Variants in RAB11FIP4 observed in about 807,000 individuals in gnomAD.
RAB11FIP4 encodes the protein rab11 family-interacting protein 4.
In RAB11FIP4, 23 loss-of-function variants were observed where a neutral mutation model predicts 74.3. The observed-to-expected ratio is 0.31, with a 90% CI of 0.22 to 0.44. The LOEUF is 0.44. RAB11FIP4 is among the 20% of genes least tolerant of loss of function. The pLI, the probability that RAB11FIP4 is intolerant of heterozygous loss-of-function variation, is 1.00. For synonymous variants in RAB11FIP4, 360 were observed against 359.9 expected (o/e 1.00, Z 0.00); for missense variants, 630 against 863.9 (o/e 0.73, Z 3.39).
Position 31,493,677 on chromosome 17 carries a change from A to G in RAB11FIP4, c.337-23974A>G, listed in dbSNP as rs370078562. ...TCCTTAAGGAGAAAAAATGGGCGCC[A>G]GAAAACTTCTAGGTCTAGATCCTGG... On this transcript the variant is annotated intron_variant, in intron 3 of 14. Coordinates refer to ENST00000621161, the MANE Select transcript of RAB11FIP4 (RefSeq NM_032932.6). Among the ~76,000 whole-genome samples the G allele has an allele frequency of 4.6e-5, 7 of 152,344 alleles. No individual in the cohort carries two copies. The South Asian group carries it at 1.4e-3, about 32-fold the overall frequency.
intron 3 of RAB11FIP4, among the ~76,000 whole-genome samples, chr17:31,452,917 C>T (rs2071539407): frequency 6.6e-6 from 1 of 152,188 alleles, no homozygotes; most frequent in South Asian, 2.1e-4. Flanking sequence ...AAGTCAGGCC[C>T]AGTTCATTGC....
At chr17:31,520,233 T>C (rs1206758722) in intron 4 of RAB11FIP4, among the ~76,000 whole-genome samples, 1 of 152,202 alleles carries the variant, frequency 6.6e-6, no homozygotes, top group Non-Finnish European at 1.5e-5. Flanking sequence ...AGGTTGTATG[T>C]GAATACTATG....
Position 31,484,363 on chromosome 17 carries a change from G to A in RAB11FIP4, c.337-33288G>A, listed in dbSNP as rs7219656. Among the ~76,000 whole-genome samples the A allele has an allele frequency of 7.9e-5, 12 of 151,514 alleles. No homozygotes were observed. In the East Asian group the frequency reaches 1.9e-3, roughly 25 times the overall value. ...TGGGATTACAGGAGTGAGCCACTGCGCCGGGCCTGACATTGTCTCTTTAAA... is the reference window on the plus strand; with the variant it reads ...TGGGATTACAGGAGTGAGCCACTGCACCGGGCCTGACATTGTCTCTTTAAA... On this transcript the variant is annotated intron_variant, in intron 3 of 14. Transcript: ENST00000621161.
intron 3 of RAB11FIP4, among the ~76,000 whole-genome samples, chr17:31,497,815 G>A (rs1567677334): frequency 6.6e-6 from 1 of 152,130 alleles, no homozygotes; most frequent in Non-Finnish European, 1.5e-5. Context: ...GCAGGTGATG[G>A]TTTTAAACCT....
In RAB11FIP4 at chr17:31,534,863, C is replaced by CT. The variant is rs2072931896; in HGVS notation, c.*3133dup. 1 of 154,270 alleles carries CT rather than the reference C, an allele frequency of 6.5e-6. No individual in the cohort carries two copies. Among genetic ancestry groups the CT allele is most frequent in the South Asian group, 2.0e-4 (1 of 4,916 alleles). 9.6% of individuals were successfully genotyped at this position (154,270 alleles called of 1,614,324 possible). A position where few individuals can be genotyped will look rare whatever the true frequency, so the allele number is the denominator to read the frequency against. On this transcript the variant is annotated 3_prime_UTR_variant, in exon 15 of 15. Transcript: ENST00000621161. ...AGATTTTACATGGCCCTGAGCTGCC[C>CT]TTGCGTTCAGTTGGAAGCCACGCAA...
Position 31,391,738 on chromosome 17 carries a change from G to A in RAB11FIP4, c.-115G>A. ...CGGCCGCGGCCGCCACCGGGCGGAGGCTGCGCGGCGCAGACCCAGACGGGC... is the reference window on the plus strand; with the variant it reads ...CGGCCGCGGCCGCCACCGGGCGGAGACTGCGCGGCGCAGACCCAGACGGGC... On this transcript the variant is annotated 5_prime_UTR_variant, in exon 1 of 15. Transcript: ENST00000621161. 5 of 801,284 alleles carry A rather than the reference G, an allele frequency of 6.2e-6. 1 individual carries two copies. The South Asian group carries it at 2.2e-4, about 35-fold the overall frequency. The allele number at this position is 801,284 out of a possible 1,614,324, so 49.6% of individuals were successfully genotyped here.
chr17:31,453,078 C>A (rs554268424), intron 3 of RAB11FIP4, among the ~76,000 whole-genome samples: 1 of 152,190 alleles, frequency 6.6e-6, no homozygotes, highest in East Asian at 1.9e-4. Context: ...AGGCTGGGCA[C>A]GGTGGCTCAC....
intron 3 of RAB11FIP4, among the ~76,000 whole-genome samples, chr17:31,440,419 T>A (rs1332119827): frequency 1.3e-5 from 2 of 152,242 alleles, no homozygotes; most frequent in Non-Finnish European, 2.9e-5. Context: ...TTTCAGTTAC[T>A]CTTGTTTATA....
intron 1 of RAB11FIP4, among the ~76,000 whole-genome samples, chr17:31,419,692 A>G (rs544718162): frequency 6.5e-4 from 99 of 151,688 alleles, no homozygotes; most frequent in African/African-American, 2.3e-3. Flanking sequence ...CTGGGACTAC[A>G]GGCGCCCACC....
intron 3 of RAB11FIP4, chr17:31,487,995 G>GC (rs1227666555): frequency 1.1e-6 from 1 of 925,536 alleles, no homozygotes; most frequent in Non-Finnish European, 1.3e-6. Context: ...GCGAGGCCCC[G>GC]CCCCCGAGTC....
chr17:31,489,244 T>G (rs1191327312), intron 3 of RAB11FIP4, among the ~76,000 whole-genome samples: 2 of 152,196 alleles, frequency 1.3e-5, no homozygotes, highest in Non-Finnish European at 1.5e-5. Flanking sequence ...TGGCATTGGC[T>G]TGGGCTTCTG....
At chr17:31,433,680 T>C (rs1411260815) in intron 2 of RAB11FIP4, among the ~76,000 whole-genome samples, 1 of 152,200 alleles carries the variant, frequency 6.6e-6, no homozygotes, top group Non-Finnish European at 1.5e-5. Flanking sequence ...TGTGTTTGCT[T>C]TCTCCAGAGG....
rs1341040800 is a variant in RAB11FIP4, at chr17:31,536,039, G to GC, written c.*4307_*4308insC. 6.0e-4 allele frequency: 16 copies of GC among 26,884 alleles called. No individual in the cohort carries two copies. The highest frequency in any genetic ancestry group is 3.6e-3 in the African/African-American group (16 of 4,414). The allele number at this position is 26,884 out of a possible 1,614,324, so 1.7% of individuals were successfully genotyped here. On this transcript the variant is annotated 3_prime_UTR_variant, in exon 15 of 15. Transcript: ENST00000621161. ...CTGGTGCTGGTGTTCAGGGGAGTTG[G>GC]GGGGGGGGGGCGCGGGGACAGAAGC...
At chr17:31,424,192 T>C (rs2071225357) in intron 1 of RAB11FIP4, among the ~76,000 whole-genome samples, 1 of 152,224 alleles carries the variant, frequency 6.6e-6, no homozygotes, top group African/African-American at 2.4e-5. Context: ...TTTGTTTTCC[T>C]CCCCAATTCA....
intron 3 of RAB11FIP4, among the ~76,000 whole-genome samples, chr17:31,439,699 C>T (rs1028890965): frequency 7.5e-4 from 115 of 152,328 alleles, no homozygotes; most frequent in African/African-American, 2.6e-3. Context: ...CAACCTCTGC[C>T]TCCCGGGCTC....
chr17:31,480,680 C>T (rs1389488835), intron 3 of RAB11FIP4, among the ~76,000 whole-genome samples: 1 of 150,050 alleles, frequency 6.7e-6, no homozygotes, highest in African/African-American at 2.5e-5. Context: ...CCCAGCTACT[C>T]GGGAGGCTGA....
Position 31,469,429 on chromosome 17 carries a change from G to A in RAB11FIP4, c.336+35307G>A, listed in dbSNP as rs557562908. ...GAGCCCAGGAGTTTGAGACTAGCCT[G>A]TGCAACATAATGAGATCTTGTCTCC... On this transcript the variant is annotated intron_variant, in intron 3 of 14. Coordinates refer to ENST00000621161, the MANE Select transcript of RAB11FIP4 (RefSeq NM_032932.6). Among the ~76,000 whole-genome samples the A allele has an allele frequency of 2.6e-5, 4 of 152,214 alleles. No homozygotes were observed. The South Asian group carries it at 8.3e-4, about 32-fold the overall frequency.
intron 5 of RAB11FIP4, 124 bp from the exon 6 acceptor site, chr17:31,521,791 T>G (rs2072670458): frequency 4.5e-6 from 5 of 1,099,536 alleles, no homozygotes; most frequent in Non-Finnish European, 6.6e-6. Context: ...TTCCACTCCC[T>G]GCCCCTCCCC....
At chr17:31,487,780 C>T (rs1249542778) in intron 3 of RAB11FIP4, among the ~76,000 whole-genome samples, 1 of 152,062 alleles carries the variant, frequency 6.6e-6, no homozygotes, top group African/African-American at 2.4e-5. Context: ...ACGCCGACTC[C>T]TGGAGTCCCA....
Sources: allele counts gnomAD v4.1 joint callset (sites outside exome capture counted in the v4.1 genomes callset), GRCh38; gene constraint gnomAD v4.1.1; transcripts MANE v1.5; gene names NCBI Gene and HGNC (gene_info 2026-07-23, HGNC 2026-07-21).